Variants in NGEF observed in about 807,000 individuals in gnomAD.
NGEF encodes the protein neuronal guanine nucleotide exchange factor.
A neutral mutation model predicts 80.9 loss-of-function variants in NGEF; 31 were observed. That is an observed-to-expected ratio of 0.38 (90% confidence interval 0.29 to 0.52). The LOEUF (loss-of-function observed/expected upper bound fraction) is 0.52. NGEF is among the 20% of genes least tolerant of loss of function. NGEF has a pLI of 0.84. For missense variants in NGEF, 709 were observed against 926.2 expected, an observed-to-expected ratio of 0.77 and a Z score of 3.04; for synonymous variants, 371 against 370.2, an observed-to-expected ratio of 1.00 and a Z score of -0.03.
intron 8 of NGEF, among the ~76,000 whole-genome samples, chr2:232,890,505 G>C (rs1691847395): frequency 6.6e-6 from 1 of 152,044 alleles, no homozygotes; most frequent in Admixed American, 6.5e-5. Context: ...CTTTAACTCT[G>C]ACCTCTGACA....
At chr2:232,894,209 G>A (rs532016847) in intron 6 of NGEF, among the ~76,000 whole-genome samples, 90 of 152,266 alleles carry the variant, frequency 5.9e-4, no homozygotes, top group Admixed American at 1.1e-3. Context: ...CTCTTCCTCC[G>A]CTGCAGCTCG....
chr2:232,887,799 G>A (rs1158247634), intron 9 of NGEF, among the ~76,000 whole-genome samples: 2 of 152,182 alleles, frequency 1.3e-5, no homozygotes, highest in African/African-American at 4.8e-5. Flanking sequence ...CAAGACAGGC[G>A]GTGAGTACGT....
intron 5 of NGEF, chr2:232,901,281 G>A: frequency 1.3e-6 from 1 of 794,320 alleles, no homozygotes; most frequent in Non-Finnish European, 1.5e-6. Flanking sequence ...TCCCACTCCT[G>A]CCTCCGCACT....
chr2:232,946,525 C>G (rs1356567704), intron 3 of NGEF, among the ~76,000 whole-genome samples: 1 of 152,228 alleles, frequency 6.6e-6, no homozygotes, highest in Non-Finnish European at 1.5e-5. Context: ...CATGTGAACT[C>G]ACACGCACAC....
chr2:232,912,312 A>G (rs1692706953), intron 5 of NGEF, among the ~76,000 whole-genome samples: 1 of 152,124 alleles, frequency 6.6e-6, no homozygotes, highest in Non-Finnish European at 1.5e-5. Context: ...GGTGGGTTAC[A>G]TTGACTGATT....
chr2:232,939,175 C>CAAAAAAAAAA (rs60357492), intron 3 of NGEF, among the ~76,000 whole-genome samples: 1 of 66,072 alleles, frequency 1.5e-5, no homozygotes. Context: ...GACTCAGTCT[C>CAAAAAAAAAA]AAAAAAAAAA....
chr2:232,889,414 C>T (rs1289857414), intron 8 of NGEF, among the ~76,000 whole-genome samples: 1 of 152,174 alleles, frequency 6.6e-6, no homozygotes, highest in Non-Finnish European at 1.5e-5. Flanking sequence ...ACCCGCCACC[C>T]CTTTCTCTGA....
intron 3 of NGEF, among the ~76,000 whole-genome samples, chr2:232,959,999 T>C (rs1207935827): frequency 2.6e-5 from 4 of 152,226 alleles, no homozygotes; most frequent in African/African-American, 9.6e-5. Flanking sequence ...AGGCTGTCCC[T>C]GCTGAGTGTT....
chr2:232,929,878 A>G (rs539817036), intron 3 of NGEF, among the ~76,000 whole-genome samples: 1 of 152,312 alleles, frequency 6.6e-6, no homozygotes, highest in South Asian at 2.1e-4. Flanking sequence ...CAATTGAATC[A>G]TGGGGGTGGT....
rs1241263367 is a variant in NGEF, at chr2:233,013,127, C to G, written c.-134G>C. On this transcript the variant is annotated 5_prime_UTR_variant, in exon 1 of 15. Coordinates refer to ENST00000264051, the MANE Select transcript of NGEF (RefSeq NM_019850.3). Reference sequence around the variant, plus strand: ...TCAGAGAGTGTTCCTCCCTCGTCCCCTGTCCTGTCCAGGCACCTGCGAGCA... The same window carrying G: ...TCAGAGAGTGTTCCTCCCTCGTCCCGTGTCCTGTCCAGGCACCTGCGAGCA... The G allele has an allele frequency of 4.2e-6, 2 of 471,282 alleles. No homozygotes were observed. The highest frequency in any genetic ancestry group is 8.8e-6 in the Non-Finnish European group (2 of 227,084). 29.2% of individuals were successfully genotyped at this position (471,282 alleles called of 1,614,324 possible).
chr2:232,946,927 CA>C (rs146207378), intron 3 of NGEF, among the ~76,000 whole-genome samples: 3 of 138,158 alleles, frequency 2.2e-5, no homozygotes, highest in East Asian at 2.0e-4. Flanking sequence ...GAAAACAAAC[CA>C]AAAAACAAAG....
intron 3 of NGEF, among the ~76,000 whole-genome samples, chr2:232,950,019 C>T (rs1449784052): frequency 6.6e-6 from 1 of 151,130 alleles, no homozygotes; most frequent in African/African-American, 2.4e-5. Flanking sequence ...ACCATGTTGG[C>T]CAGGCTGGTC....
At chr2:232,907,764 T>C (rs1365346097) in intron 5 of NGEF, among the ~76,000 whole-genome samples, 1 of 152,244 alleles carries the variant, frequency 6.6e-6, no homozygotes, top group Non-Finnish European at 1.5e-5. Context: ...AAAAACTTTA[T>C]ATATCTTGAA....
intron 1 of NGEF, among the ~76,000 whole-genome samples, chr2:232,994,203 C>G (rs1039930213): frequency 6.6e-6 from 1 of 152,006 alleles, no homozygotes; most frequent in Non-Finnish European, 1.5e-5. Context: ...AACCCCATCT[C>G]TACTAAAAAT....
At position 232,927,204 on chromosome 2, in the gene NGEF, G is replaced by A. The variant is rs1693091090; in HGVS notation, c.384-18C>T. On this transcript the variant is annotated intron_variant, in intron 3 of 14. Coordinates refer to ENST00000264051, the MANE Select transcript of NGEF (RefSeq NM_019850.3). ...ACGACTCACTGCCAGAGAGGGAGGA[G>A]GACAGGGGCTGGTTATTTTTAAGCA... is the stretch of plus-strand genomic sequence containing the variant. 6.5e-7 allele frequency: 1 copy of A among 1,548,218 alleles called. No homozygotes were observed. The highest frequency in any genetic ancestry group is 2.1e-5 in the Admixed American group (1 of 48,610).
chr2:232,972,972 G>C (rs951133386), intron 2 of NGEF, among the ~76,000 whole-genome samples: 1 of 151,868 alleles, frequency 6.6e-6, no homozygotes, highest in Non-Finnish European at 1.5e-5. Flanking sequence ...GGCCAGGCTG[G>C]TCTCGAACCC....
At chr2:232,996,946 C>T (rs751442289) in intron 1 of NGEF, among the ~76,000 whole-genome samples, 11 of 152,226 alleles carry the variant, frequency 7.2e-5, no homozygotes, top group Non-Finnish European at 1.3e-4. Flanking sequence ...AGTGTCCTAA[C>T]GCCCACTCGA....
intron 3 of NGEF, among the ~76,000 whole-genome samples, chr2:232,966,213 G>A (rs1694055912): frequency 6.6e-6 from 1 of 152,116 alleles, no homozygotes; most frequent in South Asian, 2.1e-4. Context: ...GGGGCCCTGT[G>A]GGGGTCCTTA....
At chr2:232,938,770 C>T (rs1048913998) in intron 3 of NGEF, among the ~76,000 whole-genome samples, 15 of 145,870 alleles carry the variant, frequency 1.0e-4, no homozygotes, top group Admixed American at 9.6e-4. Flanking sequence ...GAAATAAATA[C>T]AGTAATTTCC....
Sources: gnomAD v4.1 joint callset for allele counts (sites outside exome capture counted in the v4.1 genomes callset) on GRCh38, gnomAD v4.1.1 for gene constraint, MANE v1.5 for transcripts, NCBI Gene and HGNC (gene_info 2026-07-23, HGNC 2026-07-21) for gene names.